MLF1: variants seen among roughly 807,000 people sequenced by gnomAD.
The protein encoded by MLF1 is myeloid leukemia factor 1.
Under a neutral mutation model 38.3 loss-of-function variants are expected in MLF1, and 37 were observed. That is an observed-to-expected ratio of 0.96 (90% confidence interval 0.74 to 1.27). MLF1 has a LOEUF of 1.27. Among genes scored for constraint, MLF1 ranks in the 50% most tolerant of loss-of-function variants. The pLI, the probability that MLF1 is intolerant of heterozygous loss-of-function variation, is 0.00. For missense variants in MLF1, 331 were observed against 349.2 expected, an observed-to-expected ratio of 0.95 and a Z score of 0.42; for synonymous variants, 95 against 106.5, an observed-to-expected ratio of 0.89 and a Z score of 0.66.
chr3:158,589,103 G>C (rs1351189439), intron 1 of MLF1, among the ~76,000 whole-genome samples: 2 of 152,198 alleles, frequency 1.3e-5, no homozygotes, highest in East Asian at 3.8e-4. Flanking sequence ...CTTTAATTAA[G>C]AATAGTTAGT....
At chr3:158,587,626 G>A (rs183138928) in intron 1 of MLF1, among the ~76,000 whole-genome samples, 2 of 152,320 alleles carry the variant, frequency 1.3e-5, no homozygotes, top group East Asian at 1.9e-4. Flanking sequence ...TTGAACATGG[G>A]CTGAGACTTA....
chr3:158,600,261 A>C (rs1310628385), intron 6 of MLF1, 88 bp downstream of exon 6: 2 of 740,420 alleles, frequency 2.7e-6, no homozygotes, highest in South Asian at 5.6e-5. Flanking sequence ...AACATGTCAT[A>C]AGATGTAGTT....
Position 158,583,325 on chromosome 3 carries a change from A to G in MLF1, c.48-9109A>G, listed in dbSNP as rs375007835. Among the ~76,000 whole-genome samples, 7 of 152,324 alleles carry G rather than the reference A, an allele frequency of 4.6e-5. 1 individual carries two copies. Among genetic ancestry groups the G allele is most frequent in the East Asian group, 1.9e-4 (1 of 5,190 alleles). On this transcript the variant is annotated intron_variant, in intron 1 of 7. Transcript: ENST00000466246. ...ATAATGTGAGGACACAGGGATCTGC[A>G]GGTCAAGGAGAGAAGAGGCCTCAAG...
chr3:158,593,140 A>T lies in MLF1; in HGVS notation c.196-242A>T, dbSNP rs541633080. Among the ~76,000 whole-genome samples, 742 of 91,860 alleles carry T rather than the reference A, an allele frequency of 8.1e-3. 6 individuals carry two copies. Among genetic ancestry groups the T allele is most frequent in the Non-Finnish European group, 9.9e-3 (486 of 49,000 alleles). The allele number at this position is 91,860 out of a possible 152,430, so 60.3% of individuals were successfully genotyped here. On this transcript the variant is annotated intron_variant, in intron 2 of 7. Transcript: ENST00000466246. ...TTACAAACATACTCAACTAAAAATT[A>T]AAAAAAAAACAGGATATTTATATAT...
intron 1 of MLF1, among the ~76,000 whole-genome samples, chr3:158,576,298 TA>T (rs1433912642): frequency 1.3e-5 from 2 of 152,198 alleles, no homozygotes; most frequent in African/African-American, 4.8e-5. Context: ...GTTACTTGAT[TA>T]AAAACACAAA....
chr3:158,593,020 G>T (rs1718385618), intron 2 of MLF1, among the ~76,000 whole-genome samples: 1 of 151,810 alleles, frequency 6.6e-6, no homozygotes, highest in Admixed American at 6.6e-5. Context: ...GTTACGTATG[G>T]ACCTTCAAAG....
At chr3:158,571,734 T>G (rs1576629425) in intron 1 of MLF1, among the ~76,000 whole-genome samples, 2 of 37,560 alleles carry the variant, frequency 5.3e-5, no homozygotes, top group Non-Finnish European at 5.2e-5. Context: ...GGGCGTGAGG[T>G]GAGGGAAGGG....
intron 1 of MLF1, among the ~76,000 whole-genome samples, chr3:158,581,623 A>G: frequency 6.6e-6 from 1 of 152,290 alleles, no homozygotes; most frequent in Admixed American, 6.5e-5. Context: ...TATTTACTGC[A>G]GTTCCCTTTA....
chr3:158,587,632 A>T (rs1176601917), intron 1 of MLF1, among the ~76,000 whole-genome samples: 2 of 152,236 alleles, frequency 1.3e-5, no homozygotes. Flanking sequence ...ATGGGCTGAG[A>T]CTTACTAATT....
chr3:158,591,137 G>A (rs754483434), intron 1 of MLF1: 6 of 508,188 alleles, frequency 1.2e-5, no homozygotes, highest in Non-Finnish European at 2.4e-5. Context: ...CCTCCTTTGA[G>A]CTGGAGTTGC....
At chr3:158,602,164 T>A (rs922218026) in intron 6 of MLF1, among the ~76,000 whole-genome samples, 10 of 152,164 alleles carry the variant, frequency 6.6e-5, no homozygotes, top group Admixed American at 4.6e-4. Flanking sequence ...GCCATGATAT[T>A]GTGACCTGTG....
intron 1 of MLF1, 66 bp from the exon 2 acceptor site, chr3:158,592,368 T>G: frequency 7.1e-7 from 1 of 1,404,422 alleles, no homozygotes; most frequent in Non-Finnish European, 9.6e-7. Context: ...TTTGTAATAT[T>G]TACCTGCCTA....
chr3:158,605,775 C>T lies in MLF1; in HGVS notation c.*573C>T, dbSNP rs930056765. On this transcript the variant is annotated 3_prime_UTR_variant, in exon 8 of 8. Coordinates refer to ENST00000466246, the MANE Select transcript of MLF1 (RefSeq NM_001369783.1). ...AAAGGGCAAGGATAATCAAATAGTT[C>T]ATTTTCAGAGAAAAATATTTTAAAT... 22 of 180,904 alleles carry T rather than the reference C, an allele frequency of 1.2e-4. No homozygotes were observed. Among genetic ancestry groups the T allele is most frequent in the Non-Finnish European group, 2.5e-4 (21 of 84,832 alleles). 11.2% of individuals were successfully genotyped at this position (180,904 alleles called of 1,614,324 possible). A position where few individuals can be genotyped will look rare whatever the true frequency, so the allele number is the denominator to read the frequency against.
intron 1 of MLF1, chr3:158,591,245 T>C (rs1428742686): frequency 2.6e-5 from 11 of 425,340 alleles, no homozygotes; most frequent in Admixed American, 1.4e-4. Flanking sequence ...CTGCAACTTC[T>C]GCCTCCCGGG....
intron 6 of MLF1, among the ~76,000 whole-genome samples, chr3:158,601,917 C>T (rs546408270): frequency 4.1e-5 from 6 of 147,764 alleles, no homozygotes; most frequent in African/African-American, 7.4e-5. Context: ...CCCAGGTTCA[C>T]GCCATTCTCC....
chr3:158,576,920 C>T (rs2108556294), intron 1 of MLF1, among the ~76,000 whole-genome samples: 1 of 152,250 alleles, frequency 6.6e-6, no homozygotes, highest in South Asian at 2.1e-4. Flanking sequence ...GATATGCTGG[C>T]CTCAGCCTCC....
chr3:158,590,822 T>G (rs1469970363), intron 1 of MLF1: 1 of 451,888 alleles, frequency 2.2e-6, no homozygotes, highest in East Asian at 7.0e-5. Flanking sequence ...CTGCACTTTT[T>G]AAAATTCATC....
intron 7 of MLF1, among the ~76,000 whole-genome samples, chr3:158,603,231 G>C (rs1246299672): frequency 6.6e-6 from 1 of 152,142 alleles, no homozygotes; most frequent in African/African-American, 2.4e-5. Flanking sequence ...CTGTAGTGTA[G>C]TTATTCTTGT....
chr3:158,604,187 C>T (rs971890320), intron 7 of MLF1, among the ~76,000 whole-genome samples: 4 of 152,154 alleles, frequency 2.6e-5, no homozygotes. Context: ...TGAAAACTTG[C>T]TCCCATATTC....
Sources: gnomAD v4.1 joint callset for allele counts (sites outside exome capture counted in the v4.1 genomes callset) on GRCh38, gnomAD v4.1.1 for gene constraint, MANE v1.5 for transcripts, NCBI Gene and HGNC (gene_info 2026-07-23, HGNC 2026-07-21) for gene names.